Variants in SYNDIG1 observed in about 807,000 individuals in gnomAD.
SYNDIG1 encodes synapse differentiation inducing 1.
A neutral mutation model predicts 19.4 loss-of-function variants in SYNDIG1; 9 were observed. The ratio of observed to expected loss-of-function variants is 0.46; its 90% confidence interval spans 0.28 to 0.81. The LOEUF is 0.81. SYNDIG1 is among the 30% of genes least tolerant of loss of function. SYNDIG1 has a pLI of 0.12. For missense variants in SYNDIG1, 311 were observed against 343.3 expected (o/e 0.91, Z 0.74); for synonymous variants, 141 against 145.9 (o/e 0.97, Z 0.24).
At chr20:24,599,642 C>T (rs546373322) in intron 3 of SYNDIG1, among the ~76,000 whole-genome samples, 45 of 152,280 alleles carry the variant, frequency 3.0e-4, no homozygotes, top group African/African-American at 9.6e-4. Flanking sequence ...CAATGGAATA[C>T]GATTTGGCCA....
intron 3 of SYNDIG1, among the ~76,000 whole-genome samples, chr20:24,598,568 G>C (rs1370043503): frequency 6.6e-6 from 1 of 152,252 alleles, no homozygotes; most frequent in South Asian, 2.1e-4. Context: ...CCAGGACTGG[G>C]TGGGGCCCAC....
chr20:24,571,894 C>G (rs2058150752), intron 2 of SYNDIG1, among the ~76,000 whole-genome samples: 1 of 152,196 alleles, frequency 6.6e-6, no homozygotes, highest in Admixed American at 6.5e-5. Context: ...TGAGCTCCTT[C>G]TTCAAGAGAG....
intron 3 of SYNDIG1, among the ~76,000 whole-genome samples, chr20:24,602,179 G>C (rs2058689233): frequency 6.6e-6 from 1 of 151,802 alleles, no homozygotes; most frequent in African/African-American, 2.4e-5. Flanking sequence ...TGTGAGTCTG[G>C]GTGTTTGTTG....
At position 24,536,880 on chromosome 20, in the gene SYNDIG1, C is replaced by T. The variant is rs111900848; in HGVS notation, c.-78-6140C>T. On this transcript the variant is annotated intron_variant, in intron 1 of 3. Transcript: ENST00000376862. ...ACCATCACTGGGGCTCTGTTGGGTCCTGGACCCCAAAGTTTCCTGGAGGGC... is the reference window on the plus strand; with the variant it reads ...ACCATCACTGGGGCTCTGTTGGGTCTTGGACCCCAAAGTTTCCTGGAGGGC... 4.5e-3 allele frequency among the ~76,000 whole-genome samples: 690 copies of T among 152,252 alleles called. 4 individuals are homozygous for T. Among genetic ancestry groups the T allele is most frequent in the African/African-American group, 0.016 (660 of 41,538 alleles).
intron 1 of SYNDIG1, among the ~76,000 whole-genome samples, chr20:24,527,519 T>TTTCCC (rs74354716): frequency 7.1e-4 from 47 of 66,532 alleles, no homozygotes; most frequent in African/African-American, 2.8e-3. Context: ...TTTTCTTTTT[T>TTTCCC]TTTCCTTTCT....
At chr20:24,513,437 G>A (rs1231622237) in intron 1 of SYNDIG1, among the ~76,000 whole-genome samples, 1 of 152,176 alleles carries the variant, frequency 6.6e-6, no homozygotes, top group African/African-American at 2.4e-5. Flanking sequence ...TAAATGACCT[G>A]ATGGAGCTGA....
intron 3 of SYNDIG1, among the ~76,000 whole-genome samples, chr20:24,656,905 A>T (rs1838918789): frequency 6.6e-6 from 1 of 152,182 alleles, no homozygotes; most frequent in African/African-American, 2.4e-5. Context: ...CTGCGGACGG[A>T]TCCCTCATGG....
chr20:24,504,378 A>G (rs2056534855), intron 1 of SYNDIG1, among the ~76,000 whole-genome samples: 1 of 152,196 alleles, frequency 6.6e-6, no homozygotes, highest in Non-Finnish European at 1.5e-5. Flanking sequence ...CATAATAAAG[A>G]GACCCTATGC....
chr20:24,655,195 A>G (rs554396640), intron 3 of SYNDIG1, among the ~76,000 whole-genome samples: 1 of 152,360 alleles, frequency 6.6e-6, no homozygotes, highest in East Asian at 1.9e-4. Flanking sequence ...AGAAGGAATT[A>G]ATAGATTATC....
intron 3 of SYNDIG1, among the ~76,000 whole-genome samples, chr20:24,589,021 CAATGT>C (rs1258788989): frequency 6.6e-6 from 1 of 152,160 alleles, no homozygotes; most frequent in African/African-American, 2.4e-5. Flanking sequence ...TTTTGCCCAA[CAATGT>C]TCCATCCAGC....
intron 1 of SYNDIG1, among the ~76,000 whole-genome samples, chr20:24,478,428 A>G (rs1202261545): frequency 1.3e-5 from 2 of 152,222 alleles, no homozygotes; most frequent in East Asian, 1.9e-4. Flanking sequence ...GGCTTCCCCA[A>G]CGTGCCGTCC....
intron 2 of SYNDIG1, among the ~76,000 whole-genome samples, chr20:24,549,922 A>C (rs1330937125): frequency 6.6e-6 from 1 of 152,162 alleles, no homozygotes; most frequent in African/African-American, 2.4e-5. Context: ...TCCTCTCGGC[A>C]TTCAGATGTT....
At chr20:24,499,671 C>T (rs532376791) in intron 1 of SYNDIG1, among the ~76,000 whole-genome samples, 1 of 152,272 alleles carries the variant, frequency 6.6e-6, no homozygotes, top group African/African-American at 2.4e-5. Flanking sequence ...CTGGCTTTGC[C>T]AAGAACCTAA....
intron 2 of SYNDIG1, among the ~76,000 whole-genome samples, chr20:24,563,664 C>G (rs1487039183): frequency 6.6e-6 from 1 of 152,170 alleles, no homozygotes; most frequent in Non-Finnish European, 1.5e-5. Flanking sequence ...TGCAGTGGCA[C>G]AATCTTGGCT....
intron 3 of SYNDIG1, among the ~76,000 whole-genome samples, chr20:24,606,698 G>A (rs1407244937): frequency 6.6e-6 from 1 of 152,184 alleles, no homozygotes; most frequent in Non-Finnish European, 1.5e-5. Context: ...TGTGCTACAG[G>A]TGGGCAGAGC....
chr20:24,588,762 C>T (rs1052105869), intron 3 of SYNDIG1, among the ~76,000 whole-genome samples: 1 of 152,160 alleles, frequency 6.6e-6, no homozygotes, highest in African/African-American at 2.4e-5. Context: ...TCTGATGTTG[C>T]TCGGTTGTGA....
intron 2 of SYNDIG1, among the ~76,000 whole-genome samples, chr20:24,546,249 A>G (rs1017388138): frequency 2.0e-5 from 3 of 152,240 alleles, no homozygotes; most frequent in Non-Finnish European, 4.4e-5. Flanking sequence ...GTCATTGAAC[A>G]TGCAGTAGCT....
At chr20:24,628,302 C>T (rs1053836166) in intron 3 of SYNDIG1, among the ~76,000 whole-genome samples, 3 of 152,216 alleles carry the variant, frequency 2.0e-5, no homozygotes, top group Admixed American at 6.5e-5. Flanking sequence ...CAAACTTGGA[C>T]GTCTGCAGCA....
At chr20:24,609,185 C>T (rs1345031543) in intron 3 of SYNDIG1, among the ~76,000 whole-genome samples, 2 of 152,282 alleles carry the variant, frequency 1.3e-5, no homozygotes. Flanking sequence ...CGGCAATGTC[C>T]CCCTTTTCTT....
Sources: allele counts gnomAD v4.1 joint callset (sites outside exome capture counted in the v4.1 genomes callset), GRCh38; gene constraint gnomAD v4.1.1; transcripts MANE v1.5; gene names NCBI Gene and HGNC (gene_info 2026-07-23, HGNC 2026-07-21).